NAP1L4: variants seen among roughly 807,000 people sequenced by gnomAD.
The protein encoded by NAP1L4 is nucleosome assembly protein 1-like 4.
A neutral mutation model predicts 58.2 loss-of-function variants in NAP1L4; 15 were observed. The ratio of observed to expected loss-of-function variants is 0.26; its 90% CI spans 0.17 to 0.40. NAP1L4 has a LOEUF of 0.40. NAP1L4 is among the 10% of genes least tolerant of loss of function. The probability of loss-of-function intolerance (pLI) is 1.00; values close to 1 mark genes in which losing one functional copy is unlikely to be tolerated. For synonymous variants in NAP1L4, 171 were observed against 155.6 expected, an observed-to-expected ratio of 1.10 and a Z score of -0.74; for missense variants, 384 against 451.1, an observed-to-expected ratio of 0.85 and a Z score of 1.35.
intron 1 of NAP1L4, among the ~76,000 whole-genome samples, chr11:2,980,152 C>G (rs927298387): frequency 2.6e-5 from 4 of 152,124 alleles, no homozygotes; most frequent in Non-Finnish European, 5.9e-5. Context: ...AGGGCATTTA[C>G]TTCTTAAATA....
chr11:2,975,685 G>C (rs1847914551), intron 4 of NAP1L4, among the ~76,000 whole-genome samples: 1 of 151,870 alleles, frequency 6.6e-6, no homozygotes, highest in Admixed American at 6.6e-5. Flanking sequence ...GGCTCATGTG[G>C]GTAAGTCAGG....
At position 2,945,439 on chromosome 11, in the gene NAP1L4, T is replaced by G. The variant is rs1162644907; in HGVS notation, c.*240A>C. On this transcript the variant is annotated 3_prime_UTR_variant, in exon 16 of 16. Transcript: ENST00000380542. ...GCATTTCAGTTGCCACTGTACAAGT[T>G]AAGCAAAATAATAAGGAAAAAGGAA... The G allele has an allele frequency of 9.2e-6, 6 of 650,100 alleles. No homozygotes were observed. Among genetic ancestry groups the G allele is most frequent in the East Asian group, 5.6e-5 (2 of 35,582 alleles). 40.3% of individuals were successfully genotyped at this position (650,100 alleles called of 1,614,324 possible).
At chr11:2,967,737 C>CT (rs2133959211) in intron 7 of NAP1L4, among the ~76,000 whole-genome samples, 1 of 152,124 alleles carries the variant, frequency 6.6e-6, no homozygotes, top group South Asian at 2.1e-4. Context: ...AATGAGTACT[C>CT]TATCAACCCC....
intron 1 of NAP1L4, chr11:2,991,027 G>C: frequency 2.2e-6 from 1 of 448,340 alleles, no homozygotes; most frequent in South Asian, 1.6e-5. Flanking sequence ...GTTACTACAG[G>C]AAAAAGTAAT....
chr11:2,958,367 A>T, intron 10 of NAP1L4, 32 bp downstream of exon 10: 1 of 1,610,822 alleles, frequency 6.2e-7, no homozygotes, highest in East Asian at 2.2e-5. Flanking sequence ...TTATATAAGA[A>T]CATAATGAAT....
At chr11:2,963,118 A>G (rs1847041219) in intron 8 of NAP1L4, among the ~76,000 whole-genome samples, 1 of 150,812 alleles carries the variant, frequency 6.6e-6, no homozygotes, top group Admixed American at 6.7e-5. Flanking sequence ...AAAAAAAAGA[A>G]AAAAGAAAAA....
chr11:2,982,524 T>C (rs1357631972), intron 1 of NAP1L4, among the ~76,000 whole-genome samples: 2 of 152,214 alleles, frequency 1.3e-5, no homozygotes, highest in South Asian at 2.1e-4. Flanking sequence ...ACTTCATACA[T>C]TTAATACCAA....
intron 15 of NAP1L4, among the ~76,000 whole-genome samples, chr11:2,947,007 G>T (rs1181378729): frequency 6.6e-6 from 1 of 152,146 alleles, no homozygotes; most frequent in Non-Finnish European, 1.5e-5. Flanking sequence ...GCTGTGCAGG[G>T]ACGGGGAAGA....
rs1378690376 is a variant in NAP1L4 at position 2,955,786 on chromosome 11, A to C, written c.893-20T>G. On this transcript the variant is annotated intron_variant, in intron 10 of 15. Transcript: ENST00000380542. The surrounding 1 kb of genome is among the most constrained non-coding windows in gnomAD (Gnocchi z 4.2). ...CGGATGCTAGAAAAAGAAAAGACAAAACATATTTAAATTACAGTGACAACT... is the reference window on the plus strand; with the variant it reads ...CGGATGCTAGAAAAAGAAAAGACAACACATATTTAAATTACAGTGACAACT... 1.2e-6 allele frequency: 2 copies of C among 1,610,480 alleles called. No homozygotes were observed. The highest frequency in any genetic ancestry group is 3.3e-5 in the Admixed American group (2 of 59,858).
chr11:2,972,407 AAGGATACAGG>A, intron 4 of NAP1L4, 164 bp from the exon 5 acceptor site: 1 of 474,108 alleles, frequency 2.1e-6, no homozygotes, highest in Non-Finnish European at 3.5e-6. Flanking sequence ...ACAGGAAAAA[AAGGATACAGG>A]AGGAAGCAGA....
rs1184873972 is a variant in NAP1L4 at position 2,972,248 on chromosome 11, A to G, written c.174-5T>C. 2 of 1,596,708 alleles carry G rather than the reference A, an allele frequency of 1.3e-6. No homozygotes were observed. The highest frequency in any genetic ancestry group is 1.7e-6 in the Non-Finnish European group (2 of 1,175,082). On this transcript the variant is annotated splice_region_variant and splice_polypyrimidine_tract_variant and intron_variant, in intron 4 of 15. Transcript: ENST00000380542. Reference sequence around the variant, plus strand: ...CTTTTTACTGCTTTAGGTAAACTAAAAAAGGGAGTAAGAAATACAACATCC... The same window carrying G: ...CTTTTTACTGCTTTAGGTAAACTAAGAAAGGGAGTAAGAAATACAACATCC...
chr11:2,980,804 C>T (rs1384592944), intron 1 of NAP1L4, among the ~76,000 whole-genome samples: 1 of 152,086 alleles, frequency 6.6e-6, no homozygotes, highest in Non-Finnish European at 1.5e-5. Flanking sequence ...AACTCAACTA[C>T]TTTTTTAAAA....
Position 2,958,406 on chromosome 11 carries a change from T to C in NAP1L4, c.885A>G (p.Pro295=). 2 of 1,613,940 alleles carry C rather than the reference T, an allele frequency of 1.2e-6. No homozygotes were observed. The highest frequency in any genetic ancestry group is 1.1e-5 in the South Asian group (1 of 91,044). The change falls in exon 10 of 16, where the codon CCA becomes CCG. Residue 295 remains proline, a synonymous_variant. Coordinates refer to ENST00000380542, the MANE Select transcript of NAP1L4 (RefSeq NM_005969.4). ...PNESFFNFFN[P]LKASGDGESL... ...AACAACCAACAGACTTGCCTTTCAA[T>C]GGATTGAAGAAGTTGAAAAAGGACT... is the stretch of plus-strand genomic sequence containing the variant.
rs1487141868 is a variant in NAP1L4 at position 2,944,473 on chromosome 11, T to C, written c.*1206A>G. ...CCACTTTAATAGAATATTCTAACTA[T>C]TCTGTACAAATTGAAAACACTGTAT... On this transcript the variant is annotated 3_prime_UTR_variant, in exon 16 of 16. Transcript: ENST00000380542. 1 of 152,278 alleles carries C rather than the reference T, an allele frequency of 6.6e-6. No homozygotes were observed. Among genetic ancestry groups the C allele is most frequent in the African/African-American group, 2.4e-5 (1 of 41,470 alleles). 9.4% of individuals were successfully genotyped at this position (152,278 alleles called of 1,614,324 possible).
In NAP1L4 at chr11:2,946,098, G is replaced by A. The variant is rs2133886051; in HGVS notation, c.*33-452C>T. On this transcript the variant is annotated intron_variant, in intron 15 of 15. Transcript: ENST00000380542. The surrounding 1 kb of genome is among the most constrained non-coding windows in gnomAD (Gnocchi z 4.8). ...GGGCACATCTGTCTGGGGGTAGGCT[G>A]GGCCCTTGGCGCTCATGGAAAGCAC... is the stretch of plus-strand genomic sequence containing the variant. 6.6e-6 allele frequency among the ~76,000 whole-genome samples: 1 copy of A among 152,276 alleles called. No individual in the cohort carries two copies. The highest frequency in any genetic ancestry group is 1.9e-4 in the East Asian group (1 of 5,174).
chr11:2,963,214 A>C (rs569685163), intron 8 of NAP1L4, among the ~76,000 whole-genome samples: 1 of 152,254 alleles, frequency 6.6e-6, no homozygotes, highest in South Asian at 2.1e-4. Flanking sequence ...CGTCTGGATG[A>C]ATCACAGGTA....
intron 7 of NAP1L4, among the ~76,000 whole-genome samples, chr11:2,969,285 TA>T (rs541672069): frequency 6.6e-6 from 1 of 151,722 alleles, no homozygotes; most frequent in Non-Finnish European, 1.5e-5. Context: ...CCTCTTTTTT[TA>T]AAAAAAATAG....
rs747073158 is a variant in NAP1L4 at position 2,979,255 on chromosome 11, T to C, written c.-17-18A>G. 3.8e-6 allele frequency: 6 copies of C among 1,590,588 alleles called. No individual in the cohort carries two copies. The Admixed American group carries it at 5.2e-5, about 14-fold the overall frequency. On this transcript the variant is annotated intron_variant, in intron 1 of 15. Transcript: ENST00000380542. Reference sequence around the variant, plus strand: ...TTTATCCCCTATAAATTAAAAAGAGTTGTAATAATTATATTCATAAGCAAA... The same window carrying C: ...TTTATCCCCTATAAATTAAAAAGAGCTGTAATAATTATATTCATAAGCAAA...
At chr11:2,964,126 T>C (rs960047939) in intron 8 of NAP1L4, among the ~76,000 whole-genome samples, 3 of 147,886 alleles carry the variant, frequency 2.0e-5, no homozygotes, top group Non-Finnish European at 4.5e-5. Context: ...TTATTTGCGC[T>C]TTTTTTTTTA....
Sources: gnomAD v4.1 joint callset for allele counts (sites outside exome capture counted in the v4.1 genomes callset) on GRCh38, gnomAD v4.1.1 for gene constraint, Gnocchi (gnomAD v3.1) non-coding constraint, MANE v1.5 for transcripts, NCBI Gene and HGNC (gene_info 2026-07-23, HGNC 2026-07-21) for gene names.